TPRG1: variants seen among roughly 807,000 people sequenced by gnomAD.
TPRG1 encodes tumor protein p63-regulated gene 1 protein.
TPRG1 carries 29 observed loss-of-function variants against 29.3 expected under a neutral mutation model. That is an observed-to-expected ratio of 0.99 (90% confidence interval 0.74 to 1.35). The LOEUF is 1.35. TPRG1 is among the 40% of genes most tolerant of loss of function. The pLI is 0.00. For synonymous variants in TPRG1, 130 were observed against 116.8 expected (o/e 1.11, Z -0.73); for missense variants, 327 against 335.0 (o/e 0.98, Z 0.19).
intron 4 of TPRG1, among the ~76,000 whole-genome samples, chr3:189,037,444 A>G (rs1320940336): frequency 3.3e-5 from 5 of 152,096 alleles, no homozygotes; most frequent in Admixed American, 6.5e-5. Flanking sequence ...ATTTCTGTTT[A>G]TAATACAACT....
intron 4 of TPRG1, among the ~76,000 whole-genome samples, chr3:189,293,847 C>T (rs1022217214): frequency 6.6e-6 from 1 of 152,140 alleles, no homozygotes; most frequent in African/African-American, 2.4e-5. Flanking sequence ...TGTCAAGTTC[C>T]GACCATTTAA....
intron 4 of TPRG1, among the ~76,000 whole-genome samples, chr3:189,309,029 CTTTTTTTTCCTAACTCTGTCT>C (rs1452935725): frequency 3.3e-4 from 11 of 33,284 alleles, no homozygotes; most frequent in African/African-American, 2.4e-3. Context: ...TTTACTCTGT[CTTTTTTTTCCTAACTCTGTCT>C]TTTTTTTCCT....
chr3:189,104,784 G>A (rs1291748318), intron 1 of TPRG1, among the ~76,000 whole-genome samples: 4 of 151,814 alleles, frequency 2.6e-5, no homozygotes, highest in African/African-American at 9.7e-5. Context: ...CCTTCCTTTG[G>A]ACAGTATTGC....
At chr3:189,315,846 C>T (rs1478749430) in intron 5 of TPRG1, among the ~76,000 whole-genome samples, 1 of 152,118 alleles carries the variant, frequency 6.6e-6, no homozygotes, top group Non-Finnish European at 1.5e-5. Context: ...GAGGAGGCAG[C>T]AAAGACTTTC....
intron 1 of TPRG1, among the ~76,000 whole-genome samples, chr3:189,196,315 G>T (rs1677880698): frequency 6.6e-6 from 1 of 152,154 alleles, no homozygotes; most frequent in African/African-American, 2.4e-5. Context: ...TCACAGTGCT[G>T]GTAGTGTGCT....
At chr3:189,106,767 T>A (rs759806125) in intron 1 of TPRG1, among the ~76,000 whole-genome samples, 3 of 152,160 alleles carry the variant, frequency 2.0e-5, no homozygotes, top group Non-Finnish European at 2.9e-5. Flanking sequence ...AGAATTTTCA[T>A]GTTTCTGTAG....
chr3:189,269,428 T>A (rs1016368803), intron 4 of TPRG1, among the ~76,000 whole-genome samples: 11 of 152,156 alleles, frequency 7.2e-5, no homozygotes, highest in African/African-American at 2.7e-4. Flanking sequence ...GATCACTTCA[T>A]AGAGGGGAGA....
rs543696964 is a variant in TPRG1 at position 189,054,050 on chromosome 3, TTTG to T, written c.-463+30116_-463+30118del. On this transcript the variant is annotated intron_variant, in intron 4 of 10. Transcript: ENST00000433971. ...GTAAGACGCTCAGCTTTCAGTCTTT[TTTG>T]TTGTTGTTGTTTTCAACATTCTTTT... Among the ~76,000 whole-genome samples the T allele has an allele frequency of 2.6e-3, 392 of 152,344 alleles. 2 individuals carry two copies. Among genetic ancestry groups the T allele is most frequent in the African/African-American group, 8.2e-3 (343 of 41,592 alleles).
intron 1 of TPRG1, among the ~76,000 whole-genome samples, chr3:189,105,792 G>A (rs1719750646): frequency 1.3e-5 from 2 of 152,138 alleles, no homozygotes; most frequent in Admixed American, 6.6e-5. Flanking sequence ...TAAGTATATA[G>A]AGATTAGAAG....
chr3:189,189,486 G>A (rs761367959), intron 1 of TPRG1, among the ~76,000 whole-genome samples: 3 of 151,864 alleles, frequency 2.0e-5, no homozygotes, highest in Non-Finnish European at 4.4e-5. Context: ...TTGGAATAAG[G>A]GATATACTTG....
chr3:189,196,586 T>C lies in TPRG1; in HGVS notation c.-9-10790T>C, dbSNP rs11928939. Among the ~76,000 whole-genome samples the C allele has an allele frequency of 4.0e-4, 61 of 152,026 alleles. 1 individual carries two copies. The highest frequency in any genetic ancestry group is 1.4e-3 in the African/African-American group (58 of 41,502). On this transcript the variant is annotated intron_variant, in intron 1 of 5. Transcript: ENST00000345063. ...ATCAGATCTCGTGATACTTACTCAC[T>C]ATCACGAGAACAGCATGGAAAAGAC... is the stretch of plus-strand genomic sequence containing the variant.
rs557868199 is a variant in TPRG1 at position 189,045,227 on chromosome 3, C to G, written c.-463+21281C>G. Among the ~76,000 whole-genome samples, 4 of 152,194 alleles carry G rather than the reference C, an allele frequency of 2.6e-5. No individual in the cohort carries two copies. In the East Asian group the frequency reaches 7.7e-4, roughly 29 times the overall value. On this transcript the variant is annotated intron_variant, in intron 4 of 10. Coordinates refer to the TPRG1 transcript ENST00000433971. ...GTTTTAAGAACACCAAAGGACTGTC[C>G]CGAAATGATGACAGGCTAATTGCTA...
At chr3:189,158,058 T>C (rs1280494240) in intron 5 of TPRG1, among the ~76,000 whole-genome samples, 2 of 152,252 alleles carry the variant, frequency 1.3e-5, no homozygotes, top group Non-Finnish European at 2.9e-5. Flanking sequence ...AGCACGTTTA[T>C]CAAACAAAGA....
At chr3:189,047,446 A>G (rs7630078) in intron 4 of TPRG1, among the ~76,000 whole-genome samples, 20,364 of 152,156 alleles carry the variant, frequency 0.13, 2,699 homozygotes, top group African/African-American at 0.34. Flanking sequence ...TTACTGGTGG[A>G]GGGTCTTGTC....
exon 4 of TPRG1, chr3:189,023,853 G>A (rs1713509891): frequency 6.6e-6 from 1 of 152,402 alleles, no homozygotes; most frequent in African/African-American, 2.4e-5. Context: ...AAAGATGGCA[G>A]CCTGCCCTTT....
chr3:189,173,921 C>T (rs189219214), intron 1 of TPRG1, among the ~76,000 whole-genome samples: 4 of 152,126 alleles, frequency 2.6e-5, no homozygotes, highest in African/African-American at 4.8e-5. Flanking sequence ...GTCAGAGAAG[C>T]CTCTCTCTTT....
At chr3:189,028,251 G>T (rs529524513) in intron 4 of TPRG1, among the ~76,000 whole-genome samples, 1 of 152,182 alleles carries the variant, frequency 6.6e-6, no homozygotes, top group Non-Finnish European at 1.5e-5. Flanking sequence ...TTCCCTGACC[G>T]CATTCCAGTG....
At chr3:189,124,462 T>C (rs545966169) in intron 1 of TPRG1, among the ~76,000 whole-genome samples, 24 of 152,198 alleles carry the variant, frequency 1.6e-4, no homozygotes, top group African/African-American at 5.5e-4. Flanking sequence ...ATTCTTCTGC[T>C]AGATCCCCTC....
At chr3:189,231,943 TTGTGTGTGTGTG>T (rs10576562) in intron 3 of TPRG1, among the ~76,000 whole-genome samples, 2 of 147,584 alleles carry the variant, frequency 1.4e-5, no homozygotes, top group Non-Finnish European at 3.0e-5. Context: ...CAAACCTGGT[TTGTGTGTGTGTG>T]TGTGTGTGTG....
Sources: allele counts gnomAD v4.1 joint callset (sites outside exome capture counted in the v4.1 genomes callset), GRCh38; gene constraint gnomAD v4.1.1; transcripts MANE v1.5; gene names NCBI Gene and HGNC (gene_info 2026-07-23, HGNC 2026-07-21).